Variants in GRM1 observed in about 807,000 individuals in gnomAD.
GRM1 encodes the protein glutamate metabotropic receptor 1.
In GRM1, 33 loss-of-function variants were observed where a neutral mutation model predicts 90.9. The observed-to-expected ratio is 0.36, with a 90% CI of 0.28 to 0.49. The LOEUF (loss-of-function observed/expected upper bound fraction) is 0.49. GRM1 is among the 20% of genes least tolerant of loss of function. GRM1 has a pLI of 0.99. For missense variants in GRM1, 1,190 were observed against 1,534.3 expected, an observed-to-expected ratio of 0.78 and a Z score of 3.75; for synonymous variants, 700 against 613.2, an observed-to-expected ratio of 1.14 and a Z score of -2.09.
At chr6:146,400,334 A>G (rs1262067764) in intron 7 of GRM1, among the ~76,000 whole-genome samples, 2 of 152,210 alleles carry the variant, frequency 1.3e-5, no homozygotes, top group East Asian at 1.9e-4. Context: ...GATGTTATAC[A>G]TGAATTGGGT....
intron 1 of GRM1, among the ~76,000 whole-genome samples, chr6:146,086,468 AG>A (rs1776548748): frequency 6.6e-6 from 1 of 152,134 alleles, no homozygotes; most frequent in Non-Finnish European, 1.5e-5. Context: ...GCTGCTAATC[AG>A]GTAAGTCACT....
At chr6:146,232,795 A>G (rs1044297917) in intron 2 of GRM1, among the ~76,000 whole-genome samples, 2 of 151,956 alleles carry the variant, frequency 1.3e-5, no homozygotes, top group African/African-American at 4.8e-5. Context: ...TCACATTCTG[A>G]TGTACTGGGG....
chr6:146,139,707 A>G (rs1776763219), intron 1 of GRM1, among the ~76,000 whole-genome samples: 1 of 151,952 alleles, frequency 6.6e-6, no homozygotes, highest in African/African-American at 2.4e-5. Flanking sequence ...TTATGGGTGA[A>G]GTGTATTTCT....
intron 6 of GRM1, among the ~76,000 whole-genome samples, chr6:146,396,965 AAG>A (rs1738295228): frequency 6.6e-6 from 1 of 152,170 alleles, no homozygotes; most frequent in Non-Finnish European, 1.5e-5. Flanking sequence ...ATTCAGCAAC[AAG>A]AGCTCAGTAA....
chr6:146,409,795 G>A (rs1031846517), intron 7 of GRM1, among the ~76,000 whole-genome samples: 1 of 152,008 alleles, frequency 6.6e-6, no homozygotes, highest in Non-Finnish European at 1.5e-5. Flanking sequence ...ATAACTGAAG[G>A]CAACTTAATA....
intron 3 of GRM1, among the ~76,000 whole-genome samples, chr6:146,321,414 C>T (rs758539768): frequency 1.1e-4 from 17 of 152,066 alleles, no homozygotes; most frequent in Admixed American, 7.9e-4. Context: ...AGAATAAGTG[C>T]GATGTGGTGC....
chr6:146,296,620 A>G (rs1315603746), intron 2 of GRM1, among the ~76,000 whole-genome samples: 3 of 152,140 alleles, frequency 2.0e-5, no homozygotes, highest in Admixed American at 2.0e-4. Context: ...TTGATTTTAA[A>G]AGTGTCTTTA....
At chr6:146,142,971 A>G (rs1776944209) in intron 1 of GRM1, among the ~76,000 whole-genome samples, 1 of 152,078 alleles carries the variant, frequency 6.6e-6, no homozygotes, top group East Asian at 1.9e-4. Context: ...GTAGTCTCCC[A>G]TCATAGCTAC....
chr6:146,042,853 T>C (rs1400444867), intron 1 of GRM1, among the ~76,000 whole-genome samples: 1 of 151,978 alleles, frequency 6.6e-6, no homozygotes, highest in Non-Finnish European at 1.5e-5. Context: ...ACCAAAATCT[T>C]TCTTTAATTT....
At chr6:146,235,494 C>T (rs758940075) in intron 2 of GRM1, among the ~76,000 whole-genome samples, 6 of 151,912 alleles carry the variant, frequency 3.9e-5, no homozygotes, top group Non-Finnish European at 8.8e-5. Flanking sequence ...TCATTTGTTA[C>T]TTTATTTTCT....
At chr6:146,187,738 CATATAT>C (rs10656760) in intron 2 of GRM1, among the ~76,000 whole-genome samples, 1 of 148,440 alleles carries the variant, frequency 6.7e-6, no homozygotes, top group Non-Finnish European at 1.5e-5. Context: ...AGGCACAAAA[CATATAT>C]ATATATATAT....
intron 2 of GRM1, among the ~76,000 whole-genome samples, chr6:146,188,616 T>C (rs1778824838): frequency 6.6e-6 from 1 of 152,216 alleles, no homozygotes; most frequent in Non-Finnish European, 1.5e-5. Context: ...AATTATTAAG[T>C]AATGAGATGA....
At chr6:146,292,701 A>C (rs1783030934) in intron 2 of GRM1, among the ~76,000 whole-genome samples, 1 of 151,980 alleles carries the variant, frequency 6.6e-6, no homozygotes, top group African/African-American at 2.4e-5. Context: ...CAAGGAAAAC[A>C]GTTTGGTAGT....
intron 1 of GRM1, among the ~76,000 whole-genome samples, chr6:146,129,524 T>C (rs770767225): frequency 6.6e-6 from 1 of 152,198 alleles, no homozygotes; most frequent in Non-Finnish European, 1.5e-5. Flanking sequence ...CAGGTGTTAC[T>C]GCAGTTCACT....
intron 3 of GRM1, among the ~76,000 whole-genome samples, chr6:146,351,931 G>A (rs758128492): frequency 4.3e-4 from 66 of 152,238 alleles, no homozygotes; most frequent in Admixed American, 1.0e-3. Flanking sequence ...GAACAAAGAG[G>A]GAGTAAGAGT....
At chr6:146,430,619 G>T (rs1778373103) in intron 7 of GRM1, among the ~76,000 whole-genome samples, 1 of 152,174 alleles carries the variant, frequency 6.6e-6, no homozygotes, top group African/African-American at 2.4e-5. Context: ...ATGTCATATT[G>T]CAGGATAATA....
At chr6:146,424,938 T>C (rs1778142408) in intron 7 of GRM1, among the ~76,000 whole-genome samples, 1 of 152,250 alleles carries the variant, frequency 6.6e-6, no homozygotes, top group Non-Finnish European at 1.5e-5. Flanking sequence ...ATTGTTTTAA[T>C]GATCTTTTGA....
chr6:146,184,254 A>G (rs992653079), intron 2 of GRM1, among the ~76,000 whole-genome samples: 2 of 152,164 alleles, frequency 1.3e-5, no homozygotes, highest in Non-Finnish European at 2.9e-5. Context: ...GAATCAGAAG[A>G]AAATATAAAG....
intron 2 of GRM1, among the ~76,000 whole-genome samples, chr6:146,300,401 TTAA>T (rs1263955314): frequency 2.6e-5 from 4 of 152,194 alleles, no homozygotes; most frequent in Non-Finnish European, 5.9e-5. Context: ...TTTCCTGTTA[TTAA>T]TATTAGAATG....
Sources: gnomAD v4.1 joint callset for allele counts (sites outside exome capture counted in the v4.1 genomes callset) on GRCh38, gnomAD v4.1.1 for gene constraint, MANE v1.5 for transcripts, NCBI Gene and HGNC (gene_info 2026-07-23, HGNC 2026-07-21) for gene names.